The following AGBL1 variants were observed in gnomAD, a reference collection of about 807,000 sequenced individuals.
The protein encoded by AGBL1 is cytosolic carboxypeptidase 4.
A neutral mutation model predicts 118.9 loss-of-function variants in AGBL1; 130 were observed. The ratio of observed to expected loss-of-function variants is 1.09; its 90% CI spans 0.95 to 1.26. AGBL1 has a LOEUF of 1.26. Ranked by LOEUF, AGBL1 falls within the 50% of genes most tolerant of loss-of-function variation. AGBL1 has a pLI of 0.00. For synonymous variants in AGBL1, 555 were observed against 478.9 expected (o/e 1.16, Z -2.08); for missense variants, 1,584 against 1,298.1 (o/e 1.22, Z -3.38).
intron 23 of AGBL1, among the ~76,000 whole-genome samples, chr15:86,940,779 A>T (rs1431345404): frequency 2.0e-5 from 3 of 152,216 alleles, no homozygotes; most frequent in Non-Finnish European, 2.9e-5. Context: ...AACAAAAAGT[A>T]ACCTGAAGTA....
In AGBL1 at chr15:86,674,327, G is replaced by A; in HGVS notation, c.3049G>A (p.Gly1017Ser). Reference sequence around the variant, plus strand: ...GGAGATGGGAGCCATGTTCTGTTTGGGCCTCCTCATCCTGGAGCTCAAATC... The same window carrying A: ...GGAGATGGGAGCCATGTTCTGTTTGAGCCTCCTCATCCTGGAGCTCAAATC... ...LEEMGAMFCL[G>S]LLILELKSAS... The change falls in exon 22 of 23, where the codon GGC becomes AGC. Residue 1017 changes from glycine (G) to serine (S), a missense_variant. Physicochemically the swap from Gly to Ser is moderately conservative, Grantham distance 56. Coordinates refer to ENST00000614907, the MANE Select transcript of AGBL1 (RefSeq NM_001386094.1). 1 of 1,612,022 alleles carries A rather than the reference G, an allele frequency of 6.2e-7. No homozygotes were observed. Among genetic ancestry groups the A allele is most frequent in the Non-Finnish European group, 8.5e-7 (1 of 1,179,144 alleles).
At chr15:87,026,504 T>C (rs1189434637) in intron 24 of AGBL1, among the ~76,000 whole-genome samples, 1 of 152,018 alleles carries the variant, frequency 6.6e-6, no homozygotes, top group Non-Finnish European at 1.5e-5. Context: ...TAGTAGACGT[T>C]GGCATGGATG....
intron 18 of AGBL1, among the ~76,000 whole-genome samples, chr15:86,411,933 A>T (rs2081626633): frequency 6.6e-6 from 1 of 152,018 alleles, no homozygotes. Flanking sequence ...TGCTTAGGAG[A>T]TTGTGTCTAA....
At chr15:86,670,631 A>G (rs1376595141) in intron 21 of AGBL1, among the ~76,000 whole-genome samples, 1 of 66,048 alleles carries the variant, frequency 1.5e-5, no homozygotes. Context: ...ACACACAAAC[A>G]CGCTGTGTGT....
rs1321492646 is a variant in AGBL1 at position 87,002,551 on chromosome 15, C to G, written c.3323+14463C>G. Among the ~76,000 whole-genome samples, 15 of 152,024 alleles carry G rather than the reference C, an allele frequency of 9.9e-5. No homozygotes were observed. In the East Asian group the frequency reaches 2.1e-3, roughly 22 times the overall value. ...TAGCTTGATGGGGATGGCACTGAAT[C>G]TATAAATTACCTTGGGCAGTATGGC... On this transcript the variant is annotated intron_variant, in intron 24 of 24. Transcript: ENST00000441037.
At chr15:87,019,370 T>G (rs1202259066) in intron 24 of AGBL1, among the ~76,000 whole-genome samples, 1 of 144,078 alleles carries the variant, frequency 6.9e-6, no homozygotes. Flanking sequence ...TAATTGGAAG[T>G]AAAACACTCC....
chr15:86,798,371 A>G (rs946778597), intron 22 of AGBL1, among the ~76,000 whole-genome samples: 1 of 152,136 alleles, frequency 6.6e-6, no homozygotes, highest in Non-Finnish European at 1.5e-5. Context: ...GGGTGAATCA[A>G]TCTATAATGT....
chr15:86,667,202 CTA>C (rs2085659610), intron 21 of AGBL1, among the ~76,000 whole-genome samples: 2 of 130,678 alleles, frequency 1.5e-5, no homozygotes, highest in South Asian at 2.8e-4. Context: ...ATTGAGATAT[CTA>C]TGTATGTATC....
intron 23 of AGBL1, among the ~76,000 whole-genome samples, chr15:86,958,593 G>A (rs1422663687): frequency 6.6e-6 from 1 of 152,138 alleles, no homozygotes; most frequent in Non-Finnish European, 1.5e-5. Flanking sequence ...ATAGATTTCT[G>A]TGCTATACAC....
chr15:86,484,086 C>CT (rs2082685237), intron 18 of AGBL1, among the ~76,000 whole-genome samples: 1 of 152,142 alleles, frequency 6.6e-6, no homozygotes, highest in Admixed American at 6.6e-5. Context: ...AAGAGCCATT[C>CT]TTTTTCATCT....
chr15:86,614,624 C>T (rs1218274144), intron 21 of AGBL1, among the ~76,000 whole-genome samples: 4 of 152,168 alleles, frequency 2.6e-5, no homozygotes. Flanking sequence ...ACTGTTACTA[C>T]ATCACTGAAT....
intron 18 of AGBL1, among the ~76,000 whole-genome samples, chr15:86,437,898 T>C (rs1424345478): frequency 6.6e-6 from 1 of 152,072 alleles, no homozygotes; most frequent in Non-Finnish European, 1.5e-5. Context: ...TTCTTTTTTT[T>C]CCCTTCTTTT....
intron 17 of AGBL1, among the ~76,000 whole-genome samples, chr15:86,312,971 A>T (rs2079942585): frequency 6.6e-6 from 1 of 152,228 alleles, no homozygotes; most frequent in African/African-American, 2.4e-5. Flanking sequence ...AAAGAAAAGG[A>T]TTTATGCGTC....
chr15:86,294,743 T>G (rs2079605010), intron 16 of AGBL1, among the ~76,000 whole-genome samples: 1 of 152,172 alleles, frequency 6.6e-6, no homozygotes, highest in African/African-American at 2.4e-5. Flanking sequence ...TCTTTTCTTT[T>G]TAAATTGTTT....
At chr15:86,803,454 A>T (rs746733143) in intron 22 of AGBL1, among the ~76,000 whole-genome samples, 7 of 152,148 alleles carry the variant, frequency 4.6e-5, no homozygotes, top group Non-Finnish European at 1.0e-4. Flanking sequence ...ACCCAGTCTT[A>T]GTTATTTCTT....
At position 86,123,576 on chromosome 15, in the gene AGBL1, A is replaced by G. The variant is rs1362080188; in HGVS notation, c.52-18428A>G. Among the ~76,000 whole-genome samples, 4 of 152,226 alleles carry G rather than the reference A, an allele frequency of 2.6e-5. No homozygotes were observed. In the East Asian group the frequency reaches 7.7e-4, roughly 29 times the overall value. ...TGTCTTAACTAAGTCATTCCTTTCT[A>G]TTGATCCCGGGCTTTTAGATAATAA... is the stretch of plus-strand genomic sequence containing the variant. On this transcript the variant is annotated intron_variant, in intron 1 of 22. Coordinates refer to ENST00000614907, the MANE Select transcript of AGBL1 (RefSeq NM_001386094.1).
rs776642678 is a variant in AGBL1, at chr15:86,574,570, A to ATTTTT, written c.2994+20053_2994+20057dup. Reference sequence around the variant, plus strand: ...TTCTATACAATTCTTAAAAGTTTTAATTTTTTTTTTTTTTTTTTTTTTTTG... The same window carrying ATTTTT: ...TTCTATACAATTCTTAAAAGTTTTAATTTTTTTTTTTTTTTTTTTTTTTTTTTTTG... On this transcript the variant is annotated intron_variant, in intron 21 of 22. Coordinates refer to ENST00000614907, the MANE Select transcript of AGBL1 (RefSeq NM_001386094.1). 6.1e-3 allele frequency among the ~76,000 whole-genome samples: 514 copies of ATTTTT among 83,670 alleles called. 8 individuals carry two copies. Among genetic ancestry groups the ATTTTT allele is most frequent in the African/African-American group, 0.011 (237 of 22,152 alleles). 54.9% of individuals were successfully genotyped at this position (83,670 alleles called of 152,430 possible).
At chr15:86,632,028 A>AG (rs1312234519) in intron 21 of AGBL1, among the ~76,000 whole-genome samples, 3 of 92,878 alleles carry the variant, frequency 3.2e-5, no homozygotes, top group Admixed American at 1.1e-4. Flanking sequence ...CTATTTCCAC[A>AG]ATTTTTTTTT....
At chr15:86,603,019 C>A (rs570598633) in intron 21 of AGBL1, among the ~76,000 whole-genome samples, 6 of 152,160 alleles carry the variant, frequency 3.9e-5, no homozygotes, top group Admixed American at 3.3e-4. Context: ...AAGCCCCATG[C>A]CAAATGGTTC....
Sources: allele counts gnomAD v4.1 joint callset (sites outside exome capture counted in the v4.1 genomes callset), GRCh38; gene constraint gnomAD v4.1.1; transcripts MANE v1.5; gene names NCBI Gene and HGNC (gene_info 2026-07-23, HGNC 2026-07-21).